The following GRIA2 variants were observed in gnomAD, a reference collection of about 807,000 sequenced individuals.
The protein encoded by GRIA2 is glutamate ionotropic receptor AMPA type subunit 2, also known as glutamate receptor 2.
In GRIA2, 14 loss-of-function variants were observed where a neutral mutation model predicts 97.3. The observed-to-expected ratio is 0.14, with a 90% CI of 0.10 to 0.23. GRIA2 has a LOEUF of 0.23. GRIA2 is among the 10% of genes least tolerant of loss of function. GRIA2 has a pLI of 1.00. For missense variants in GRIA2, 558 were observed against 1,069.8 expected, an observed-to-expected ratio of 0.52 and a Z score of 6.67; for synonymous variants, 412 against 387.8, an observed-to-expected ratio of 1.06 and a Z score of -0.73.
At chr4:157,315,366 A>G (rs1354682230) in intron 4 of GRIA2, among the ~76,000 whole-genome samples, 1 of 150,086 alleles carries the variant, frequency 6.7e-6, no homozygotes, top group African/African-American at 2.5e-5. Flanking sequence ...AAATGAGGAT[A>G]AGGTACATTC....
At chr4:157,348,693 A>G (rs1271826045) in intron 12 of GRIA2, among the ~76,000 whole-genome samples, 1 of 152,194 alleles carries the variant, frequency 6.6e-6, no homozygotes, top group Non-Finnish European at 1.5e-5. Context: ...AATTTATAGT[A>G]TCTCTCTCAG....
intron 6 of GRIA2, among the ~76,000 whole-genome samples, chr4:157,325,047 T>C (rs1734743855): frequency 6.6e-6 from 1 of 152,136 alleles, no homozygotes; most frequent in African/African-American, 2.4e-5. Context: ...CATAAAAATC[T>C]ATAAAAATAC....
intron 2 of GRIA2, among the ~76,000 whole-genome samples, chr4:157,300,120 G>T (rs560771465): frequency 6.6e-6 from 1 of 151,704 alleles, no homozygotes; most frequent in East Asian, 1.9e-4. Context: ...CTTCATTACA[G>T]GATGGATCAA....
At chr4:157,322,228 AAAGAGAGAGAGAGAGT>A in intron 6 of GRIA2, among the ~76,000 whole-genome samples, 1 of 117,200 alleles carries the variant, frequency 8.5e-6, no homozygotes, top group Non-Finnish European at 1.8e-5. Flanking sequence ...AGAGAGTGAG[AAAGAGAGAGAGAGAGT>A]GTGTGTGTGT....
intron 2 of GRIA2, among the ~76,000 whole-genome samples, chr4:157,267,164 G>T (rs535723040): frequency 6.6e-6 from 1 of 152,166 alleles, no homozygotes; most frequent in South Asian, 2.1e-4. Context: ...GGTGGCTCAT[G>T]CCAGTAATCC....
chr4:157,282,348 A>G (rs1732644474), intron 2 of GRIA2, among the ~76,000 whole-genome samples: 1 of 152,140 alleles, frequency 6.6e-6, no homozygotes, highest in South Asian at 2.1e-4. Context: ...CTATGTCAAC[A>G]GGTACCCTTT....
At chr4:157,277,838 A>ATATATATGTATATATGTATATATATG (rs1579326070) in intron 2 of GRIA2, among the ~76,000 whole-genome samples, 3 of 142,414 alleles carry the variant, frequency 2.1e-5, no homozygotes, top group African/African-American at 5.1e-5. Context: ...ATATATGTAT[A>ATATATATGTATATATGTATATATATG]TATATATGTA....
At chr4:157,249,033 C>G (rs1020665674) in intron 2 of GRIA2, among the ~76,000 whole-genome samples, 1 of 151,838 alleles carries the variant, frequency 6.6e-6, no homozygotes, top group Non-Finnish European at 1.5e-5. Context: ...AACATGAAGT[C>G]TATGTTGCCC....
intron 12 of GRIA2, among the ~76,000 whole-genome samples, chr4:157,345,730 C>T (rs367603004): frequency 6.6e-6 from 1 of 152,090 alleles, no homozygotes; most frequent in African/African-American, 2.4e-5. Flanking sequence ...TGTGCTGTCT[C>T]CCACACTGCA....
intron 2 of GRIA2, among the ~76,000 whole-genome samples, chr4:157,229,207 A>C (rs1334977124): frequency 6.6e-6 from 1 of 152,128 alleles, no homozygotes; most frequent in Non-Finnish European, 1.5e-5. Flanking sequence ...TTGTATGCGT[A>C]TCCTTATTTT....
At chr4:157,301,547 C>G (rs771642528) in intron 2 of GRIA2, among the ~76,000 whole-genome samples, 47 of 152,298 alleles carry the variant, frequency 3.1e-4, no homozygotes, top group African/African-American at 1.0e-3. Flanking sequence ...AAGAGGCAAT[C>G]TTGCTTTCCT....
At chr4:157,257,346 C>G (rs575781857) in intron 2 of GRIA2, among the ~76,000 whole-genome samples, 3 of 152,130 alleles carry the variant, frequency 2.0e-5, no homozygotes, top group East Asian at 3.9e-4. Flanking sequence ...TTATTTTGCT[C>G]TTTCACACCA....
At chr4:157,317,749 A>G (rs1177263928) in intron 5 of GRIA2, 38 bp downstream of exon 5, 2 of 793,936 alleles carry the variant, frequency 2.5e-6, no homozygotes, top group African/African-American at 3.5e-5. Context: ...TTTACTAGAT[A>G]TGCTTATTTA....
At chr4:157,292,238 A>G (rs1260931519) in intron 2 of GRIA2, among the ~76,000 whole-genome samples, 1 of 152,084 alleles carries the variant, frequency 6.6e-6, no homozygotes, top group Non-Finnish European at 1.5e-5. Flanking sequence ...CATCTTCAGA[A>G]ATAGGCATAG....
chr4:157,256,190 AACATATATT>A (rs1423458471), intron 2 of GRIA2, among the ~76,000 whole-genome samples: 1 of 135,824 alleles, frequency 7.4e-6, no homozygotes, highest in Non-Finnish European at 1.5e-5. Flanking sequence ...TATAATATAT[AACATATATT>A]ACATATATAT....
At chr4:157,356,884 C>G (rs779049704) in intron 12 of GRIA2, among the ~76,000 whole-genome samples, 1 of 152,050 alleles carries the variant, frequency 6.6e-6, no homozygotes, top group Non-Finnish European at 1.5e-5. Context: ...ACACTGTCAC[C>G]TACATTAACC....
intron 2 of GRIA2, among the ~76,000 whole-genome samples, chr4:157,236,320 A>G (rs77824617): frequency 0.018 from 2,791 of 152,136 alleles, 90 homozygotes; most frequent in African/African-American, 0.062. Flanking sequence ...CCTCATTTCT[A>G]TGTCTCTGAG....
At chr4:157,233,564 C>T (rs961950888) in intron 2 of GRIA2, among the ~76,000 whole-genome samples, 5 of 151,856 alleles carry the variant, frequency 3.3e-5, no homozygotes, top group Admixed American at 1.3e-4. Context: ...GTTTTTTTCT[C>T]TTTGTAGAAT....
chr4:157,338,042 A>C (rs1251675543), intron 11 of GRIA2, among the ~76,000 whole-genome samples: 1 of 8,352 alleles, frequency 1.2e-4, no homozygotes, highest in Non-Finnish European at 7.0e-4. Flanking sequence ...ATATATATAT[A>C]TATATATACA....
Sources: allele counts gnomAD v4.1 joint callset (sites outside exome capture counted in the v4.1 genomes callset), GRCh38; gene constraint gnomAD v4.1.1; transcripts MANE v1.5; gene names NCBI Gene and HGNC (gene_info 2026-07-23, HGNC 2026-07-21).